Variants in PCNX4 observed in about 807,000 individuals in gnomAD.
The protein encoded by PCNX4 is pecanex 4, also known as pecanex-like protein 4.
PCNX4 carries 103 observed loss-of-function variants against 107.2 expected under a neutral mutation model. That is an observed-to-expected ratio of 0.96 (90% CI 0.82 to 1.13). The LOEUF is 1.13. PCNX4 is among the 50% of genes most tolerant of loss of function. The pLI is 0.00. For synonymous variants in PCNX4, 541 were observed against 481.7 expected, an observed-to-expected ratio of 1.12 and a Z score of -1.61; for missense variants, 1,528 against 1,379.4, an observed-to-expected ratio of 1.11 and a Z score of -1.71.
Position 60,107,739 on chromosome 14 carries a change from A to C in PCNX4, c.101A>C (p.Tyr34Ser), listed in dbSNP as rs751467750. 1 of 1,612,648 alleles carries C rather than the reference A, an allele frequency of 6.2e-7. No homozygotes were observed. Residue 34 changes from tyrosine to serine, a missense_variant, in exon 2 of 11, where the codon TAT becomes TCT. Physicochemically the swap from Tyr to Ser is moderately radical, Grantham distance 144 (BLOSUM62 -2). Transcript: ENST00000406854. ...GGAGGCCCTCGATTCAAATTAGGCT[A>C]TTGTGCCCCTCCTTACATATATGTT... ...VLGGPRFKLG[Y>S]CAPPYIYVNQ...
intron 10 of PCNX4, among the ~76,000 whole-genome samples, chr14:60,127,643 T>G (rs573678159): frequency 6.6e-6 from 1 of 152,238 alleles, no homozygotes; most frequent in South Asian, 2.1e-4. Context: ...GCCCTGGAGT[T>G]AGGAATGAAG....
chr14:60,139,830 C>G lies in PCNX4; in HGVS notation c.*5609C>G, dbSNP rs1211628758. The G allele has an allele frequency of 6.6e-6, 1 of 151,568 alleles. No individual in the cohort carries two copies. Among genetic ancestry groups the G allele is most frequent in the African/African-American group, 2.4e-5 (1 of 41,266 alleles). The allele number at this position is 151,568 out of a possible 1,614,324, so 9.4% of individuals were successfully genotyped here. A position where few individuals can be genotyped will look rare whatever the true frequency, so the allele number is the denominator to read the frequency against. ...ACTTTTAAATAACTCATGGATCAGA[C>G]AATAAATTACAATGAAAATTAGAAT... On this transcript the variant is annotated 3_prime_UTR_variant, in exon 11 of 11. Transcript: ENST00000406854.
Position 60,108,121 on chromosome 14 carries a change from T to C in PCNX4, c.483T>C (p.Asn161=). The C allele has an allele frequency of 6.2e-7, 1 of 1,612,874 alleles. No homozygotes were observed. Among genetic ancestry groups the C allele is most frequent in the Non-Finnish European group, 8.5e-7 (1 of 1,179,876 alleles). ...TTGGAACATGGTATCTGCTCCCAAA[T>C]AGAATAACCTTGCTGTATGGCAGTA... The part of the protein sequence containing the change: ...CGLGTWYLLP[N]RITLLYGSTG... The change falls in exon 2 of 11, where the codon AAT becomes AAC. Residue 161 remains asparagine, a synonymous_variant. Transcript: ENST00000406854.
chr14:60,114,836 T>A lies in PCNX4; in HGVS notation c.826T>A (p.Leu276Ile). The A allele has an allele frequency of 1.2e-6, 2 of 1,613,718 alleles. No individual in the cohort carries two copies. The highest frequency in any genetic ancestry group is 1.7e-6 in the Non-Finnish European group (2 of 1,179,720). ...ALLLWAMEQVLEFGLGGSSMS... is the reference protein window; with the variant it reads ...ALLLWAMEQVIEFGLGGSSMS... ...TCTCTTATGGGCAATGGAGCAGGTTTTAGAGTTCGGCCTTGGAGGCTCATC... is the reference window on the plus strand; with the variant it reads ...TCTCTTATGGGCAATGGAGCAGGTTATAGAGTTCGGCCTTGGAGGCTCATC... Residue 276 changes from leucine (L) to isoleucine (I), a missense_variant, in exon 3 of 11, where the codon TTA becomes ATA. Leu to Ile is a conservative substitution (Grantham distance 5). Transcript: ENST00000406854.
At position 60,146,782 on chromosome 14, in the gene PCNX4, A is replaced by G. The variant is rs1008858770; in HGVS notation, c.*12561A>G. On this transcript the variant is annotated 3_prime_UTR_variant, in exon 11 of 11. Coordinates refer to ENST00000406854, the MANE Select transcript of PCNX4 (RefSeq NM_001330177.2). This position sits in a 1 kb window ranked among gnomAD's most constrained non-coding sequence, Gnocchi z 4.9. ...GCATTTGTGAAAACATGGATAATGAATGGACGTTAATGCTAAGTGATATAA... is the reference window on the plus strand; with the variant it reads ...GCATTTGTGAAAACATGGATAATGAGTGGACGTTAATGCTAAGTGATATAA... 4 of 152,204 alleles carry G rather than the reference A, an allele frequency of 2.6e-5. No individual in the cohort carries two copies. The highest frequency in any genetic ancestry group is 9.7e-5 in the African/African-American group (4 of 41,440). 9.4% of individuals were successfully genotyped at this position (152,204 alleles called of 1,614,324 possible).
chr14:60,134,420 A>G lies in PCNX4; in HGVS notation c.*199A>G. The G allele has an allele frequency of 5.0e-6, 3 of 596,322 alleles. No individual in the cohort carries two copies. Among genetic ancestry groups the G allele is most frequent in the Non-Finnish European group, 8.4e-6 (3 of 357,516 alleles). 36.9% of individuals were successfully genotyped at this position (596,322 alleles called of 1,614,324 possible). On this transcript the variant is annotated 3_prime_UTR_variant, in exon 11 of 11. Transcript: ENST00000406854. ...GCAAAAACATCTTTATGTCTAAGAT[A>G]AAAGAACTATTTGGCCAATATTTGT...
At chr14:60,103,872 C>T (rs1895579347) in intron 1 of PCNX4, among the ~76,000 whole-genome samples, 1 of 152,152 alleles carries the variant, frequency 6.6e-6, no homozygotes, top group East Asian at 1.9e-4. Flanking sequence ...ATATATTGAT[C>T]TAGGCAGAAT....
Position 60,114,783 on chromosome 14 carries a change from T to C in PCNX4, c.773T>C (p.Leu258Pro). The C allele has an allele frequency of 1.2e-6, 2 of 1,613,934 alleles. No homozygotes were observed. Among genetic ancestry groups the C allele is most frequent in the Non-Finnish European group, 1.7e-6 (2 of 1,179,862 alleles). ...GTATTTTTACCCTTTCTGTGGGCAC[T>C]TGGGACTCTGCCCCCACCCGATGCA... is the stretch of plus-strand genomic sequence containing the variant. ...LFVFLPFLWA[L>P]GTLPPPDALL... The change falls in exon 3 of 11, where the codon CTT becomes CCT. Residue 258 changes from leucine to proline, a missense_variant. By Grantham distance (98) the Leu-to-Pro change is moderately conservative. Transcript: ENST00000406854.
In PCNX4 at chr14:60,125,152, A is replaced by G. The variant is rs780261330; in HGVS notation, c.2981A>G (p.His994Arg). 1.9e-6 allele frequency: 3 copies of G among 1,612,680 alleles called. No individual in the cohort carries two copies. Residue 994 changes from histidine to arginine, a missense_variant, in exon 9 of 11, where the codon CAT (histidine) becomes CGT (arginine). By Grantham distance (29) the His-to-Arg change is conservative. Coordinates refer to ENST00000406854, the MANE Select transcript of PCNX4 (RefSeq NM_001330177.2). ...GACAATATGGCTCCTAGTCCTGGTC[A>G]TATATTGAGAGTTTACGGTGGTGTT... ...GIDNMAPSPG[H>R]ILRVYGGVLP... is the part of the protein sequence containing the mutation.
At chr14:60,115,855 T>G (rs1420828786) in intron 5 of PCNX4, 36 bp downstream of exon 5, 1 of 1,592,192 alleles carries the variant, frequency 6.3e-7, no homozygotes, top group Non-Finnish European at 8.6e-7. Flanking sequence ...ATTTTCCTAT[T>G]GCTAAGTTTT....
chr14:60,096,165 G>A (rs219303), intron 1 of PCNX4, among the ~76,000 whole-genome samples: 154 of 93,312 alleles, frequency 1.7e-3, no homozygotes, highest in Non-Finnish European at 3.1e-3. Context: ...TTTCATATCA[G>A]TCATAAGTCA....
At chr14:60,118,996 C>A (rs896052818) in intron 7 of PCNX4, among the ~76,000 whole-genome samples, 2 of 152,144 alleles carry the variant, frequency 1.3e-5, no homozygotes, top group Admixed American at 6.5e-5. Flanking sequence ...CATGGAAACA[C>A]CTTTCCCCGA....
chr14:60,136,398 A>G lies in PCNX4; in HGVS notation c.*2177A>G, dbSNP rs1163641812. The G allele has an allele frequency of 6.6e-6, 1 of 152,168 alleles. No homozygotes were observed. The highest frequency in any genetic ancestry group is 2.4e-5 in the African/African-American group (1 of 41,432). 9.4% of individuals were successfully genotyped at this position (152,168 alleles called of 1,614,324 possible). Reference sequence around the variant, plus strand: ...CATAGATAATCTCATCTACTTCAAGACTTGAAATATCATCAATAAATTGAT... The same window carrying G: ...CATAGATAATCTCATCTACTTCAAGGCTTGAAATATCATCAATAAATTGAT... On this transcript the variant is annotated 3_prime_UTR_variant, in exon 11 of 11. Transcript: ENST00000406854.
Position 60,138,754 on chromosome 14 carries a change from A to G in PCNX4, c.*4533A>G, listed in dbSNP as rs1405287098. 6.6e-6 allele frequency: 1 copy of G among 152,176 alleles called. No homozygotes were observed. Among genetic ancestry groups the G allele is most frequent in the African/African-American group, 2.4e-5 (1 of 41,472 alleles). The allele number at this position is 152,176 out of a possible 1,614,324, so 9.4% of individuals were successfully genotyped here. On this transcript the variant is annotated 3_prime_UTR_variant, in exon 11 of 11. Transcript: ENST00000406854. ...TCAGACAGAAGGAAAAAGATCCCAGAAAAAGGTTAGAGATAAAGGTAGGAA... is the reference window on the plus strand; with the variant it reads ...TCAGACAGAAGGAAAAAGATCCCAGGAAAAGGTTAGAGATAAAGGTAGGAA...
chr14:60,112,271 TC>T (rs1895753807), intron 2 of PCNX4, among the ~76,000 whole-genome samples: 1 of 152,224 alleles, frequency 6.6e-6, no homozygotes. Context: ...AAATCTTTTT[TC>T]TTGGCATGTG....
intron 1 of PCNX4, among the ~76,000 whole-genome samples, chr14:60,097,242 G>A (rs1895442613): frequency 6.6e-6 from 1 of 152,170 alleles, no homozygotes; most frequent in Non-Finnish European, 1.5e-5. Flanking sequence ...CCCATGTCTA[G>A]TGAGTCTACG....
intron 1 of PCNX4, among the ~76,000 whole-genome samples, chr14:60,094,411 C>G (rs979271504): frequency 6.6e-6 from 1 of 152,156 alleles, no homozygotes; most frequent in African/African-American, 2.4e-5. Context: ...TTGTAAGTCC[C>G]CCAGCATTTT....
In PCNX4 at chr14:60,116,451, T is replaced by G. The variant is rs540102770; in HGVS notation, c.1578+391T>G. Among the ~76,000 whole-genome samples, 4 of 152,326 alleles carry G rather than the reference T, an allele frequency of 2.6e-5. No individual in the cohort carries two copies. The South Asian group carries it at 8.3e-4, about 32-fold the overall frequency. The stretch of plus-strand genomic sequence containing the variant: ...GTTTCAGTCAATGACAGACCACATA[T>G]ACAACGGTGGTTTCATAAGATTATT... On this transcript the variant is annotated intron_variant, in intron 6 of 10. Coordinates refer to ENST00000406854, the MANE Select transcript of PCNX4 (RefSeq NM_001330177.2).
chr14:60,144,772 A>C lies in PCNX4; in HGVS notation c.*10551A>C. ...TTTATCCAAGAATATAGTATGAGTT[A>C]ATACCTTTTTTGCAAGATTCATGGC... On this transcript the variant is annotated 3_prime_UTR_variant, in exon 11 of 11. Transcript: ENST00000406854. 1 of 586,086 alleles carries C rather than the reference A, an allele frequency of 1.7e-6. No individual in the cohort carries two copies. The highest frequency in any genetic ancestry group is 2.3e-5 in the South Asian group (1 of 44,346). 36.3% of individuals were successfully genotyped at this position (586,086 alleles called of 1,614,324 possible).
Sources: allele counts gnomAD v4.1 joint callset (sites outside exome capture counted in the v4.1 genomes callset), GRCh38; gene constraint gnomAD v4.1.1; non-coding constraint Gnocchi (gnomAD v3.1); transcripts MANE v1.5; gene names NCBI Gene and HGNC (gene_info 2026-07-23, HGNC 2026-07-21).